The following AGO2 variants were observed in gnomAD, a reference collection of about 807,000 sequenced individuals.
The protein encoded by AGO2 is protein argonaute-2.
Under a neutral mutation model 102.3 loss-of-function variants are expected in AGO2, and 5 were observed. The ratio of observed to expected loss-of-function variants is 0.05; its 90% CI spans 0.03 to 0.10. The LOEUF (loss-of-function observed/expected upper bound fraction) is 0.10. Among genes scored for constraint, AGO2 ranks in the 10% least tolerant of loss-of-function variants. The probability of loss-of-function intolerance (pLI) is 1.00; values close to 1 mark genes in which losing one functional copy is unlikely to be tolerated. For missense variants in AGO2, 541 were observed against 1,183.7 expected, an observed-to-expected ratio of 0.46 and a Z score of 7.97; for synonymous variants, 449 against 473.1, an observed-to-expected ratio of 0.95 and a Z score of 0.66.
intron 1 of AGO2, among the ~76,000 whole-genome samples, chr8:140,604,698 G>T (rs899047037): frequency 6.6e-6 from 1 of 151,728 alleles, no homozygotes; most frequent in Non-Finnish European, 1.5e-5. Flanking sequence ...GTGGTGGCGG[G>T]TGCCTGTAGT....
chr8:140,546,804 C>T (rs757271680), intron 13 of AGO2, among the ~76,000 whole-genome samples: 6 of 152,218 alleles, frequency 3.9e-5, no homozygotes, highest in South Asian at 2.1e-4. Context: ...TGTGTGGAGA[C>T]GTCTTTCTTG....
At position 140,539,221 on chromosome 8, in the gene AGO2, C is replaced by A; in HGVS notation, c.2169+99G>T. The A allele has an allele frequency of 6.7e-7, 1 of 1,486,112 alleles. No individual in the cohort carries two copies. The highest frequency in any genetic ancestry group is 9.0e-7 in the Non-Finnish European group (1 of 1,112,522). 92.1% of individuals were successfully genotyped at this position (1,486,112 alleles called of 1,614,324 possible). On this transcript the variant is annotated intron_variant, in intron 16 of 18. Coordinates refer to ENST00000220592, the MANE Select transcript of AGO2 (RefSeq NM_012154.5). The surrounding 1 kb of genome is among the most constrained non-coding windows in gnomAD (Gnocchi z 4.7). Reference sequence around the variant, plus strand: ...GACAGAGTCACCCTAGAGCCTGGGACAGCGGCACTGTGGCCAGCAGGTTCT... The same window carrying A: ...GACAGAGTCACCCTAGAGCCTGGGAAAGCGGCACTGTGGCCAGCAGGTTCT...
In AGO2 at chr8:140,532,040, C is replaced by T; in HGVS notation, c.*4G>A. The T allele has an allele frequency of 1.9e-6, 3 of 1,613,760 alleles. No individual in the cohort carries two copies. The highest frequency in any genetic ancestry group is 2.5e-6 in the Non-Finnish European group (3 of 1,179,694). On this transcript the variant is annotated 3_prime_UTR_variant, in exon 19 of 19. Transcript: ENST00000220592. ...GGTACACAATCGCTAAACACTAAAA[C>T]ATGTCAAGCAAAGTACATGGTGCGC...
In AGO2 at chr8:140,557,327, G is replaced by A. The variant is rs909759862; in HGVS notation, c.879-91C>T. 24 of 1,458,972 alleles carry A rather than the reference G, an allele frequency of 1.6e-5. No individual in the cohort carries two copies. Among genetic ancestry groups the A allele is most frequent in the South Asian group, 8.4e-5 (6 of 71,654 alleles). 90.4% of individuals were successfully genotyped at this position (1,458,972 alleles called of 1,614,324 possible). On this transcript the variant is annotated intron_variant, in intron 7 of 18. Coordinates refer to ENST00000220592, the MANE Select transcript of AGO2 (RefSeq NM_012154.5). This position sits in a 1 kb window ranked among gnomAD's most constrained non-coding sequence, Gnocchi z 5.9. The stretch of plus-strand genomic sequence containing the variant: ...ATTTGCGTTTGCTTTTTAGGGTGAC[G>A]TGTGAGGAGCAAACATTCAGAGCAC...
chr8:140,637,393 G>C (rs1226447204), upstream of AGO2: 1 of 152,234 alleles, frequency 6.6e-6, no homozygotes, highest in African/African-American at 2.4e-5. Context: ...CAAAGGCCCA[G>C]AAGGCTCTGT....
In AGO2 at chr8:140,572,727, G is replaced by A. The variant is rs886588097; in HGVS notation, c.336+85C>T. 2.6e-6 allele frequency: 4 copies of A among 1,518,724 alleles called. No homozygotes were observed. The African/African-American group carries it at 5.6e-5, about 21-fold the overall frequency. The allele number at this position is 1,518,724 out of a possible 1,614,324, so 94.1% of individuals were successfully genotyped here. A position where few individuals can be genotyped will look rare whatever the true frequency, so the allele number is the denominator to read the frequency against. On this transcript the variant is annotated intron_variant, in intron 3 of 18. Coordinates refer to ENST00000220592, the MANE Select transcript of AGO2 (RefSeq NM_012154.5). ...TCCTCAGTGAAATAGTTTCGTGTAT[G>A]AGAACAGGCATGACAGACTTTACAA... is the stretch of plus-strand genomic sequence containing the variant.
At chr8:140,611,294 G>A (rs1461584410) in intron 1 of AGO2, among the ~76,000 whole-genome samples, 1 of 151,816 alleles carries the variant, frequency 6.6e-6, no homozygotes, top group East Asian at 1.9e-4. Context: ...GCAGCAAAAA[G>A]CATCAAGTTT....
chr8:140,624,904 G>A (rs763657344), intron 1 of AGO2, among the ~76,000 whole-genome samples: 44 of 152,170 alleles, frequency 2.9e-4, no homozygotes, highest in Admixed American at 2.0e-3. Context: ...TGCTGGAGGC[G>A]GGGGATAGTG....
In AGO2 at chr8:140,635,564, C is replaced by G; in HGVS notation, c.-58G>C. 1 of 975,078 alleles carries G rather than the reference C, an allele frequency of 1.0e-6. No individual in the cohort carries two copies. Among genetic ancestry groups the G allele is most frequent in the Non-Finnish European group, 1.2e-6 (1 of 823,598 alleles). The allele number at this position is 975,078 out of a possible 1,614,324, so 60.4% of individuals were successfully genotyped here. On this transcript the variant is annotated 5_prime_UTR_variant, in exon 1 of 19. Coordinates refer to ENST00000220592, the MANE Select transcript of AGO2 (RefSeq NM_012154.5). ...GGCGGCCGCGCGCGCGCCACGGGCC[C>G]CGACGCCGCGAGCCGCGAGGGAGCC... is the stretch of plus-strand genomic sequence containing the variant.
At chr8:140,552,772 A>T (rs1002166367) in intron 10 of AGO2, among the ~76,000 whole-genome samples, 40 of 137,060 alleles carry the variant, frequency 2.9e-4, no homozygotes, top group East Asian at 2.9e-3. Flanking sequence ...ACACACACAC[A>T]CTCTTACTAT....
chr8:140,633,814 G>A (rs1321854684), intron 1 of AGO2, among the ~76,000 whole-genome samples: 1 of 152,218 alleles, frequency 6.6e-6, no homozygotes, highest in East Asian at 1.9e-4. Flanking sequence ...CAACCTCTGT[G>A]AGCCTCGGCT....
chr8:140,635,906 AGGGCGGCGCGGCCCGTGTGGCGCGG>A (rs545085953), upstream of AGO2, among the ~76,000 whole-genome samples: 327 of 134,760 alleles, frequency 2.4e-3, no homozygotes, highest in African/African-American at 8.8e-3. Flanking sequence ...ACGAGGGCCG[AGGGCGGCGCGGCCCGTGTGGCGCGG>A]GGGCGGGCGC....
intron 1 of AGO2, among the ~76,000 whole-genome samples, chr8:140,593,640 TG>T (rs1249286406): frequency 1.3e-5 from 2 of 151,232 alleles, no homozygotes; most frequent in Non-Finnish European, 2.9e-5. Flanking sequence ...TTACATAAAA[TG>T]TTTACTTCCC....
At chr8:140,545,115 CGCATCCATTTCCCT>C (rs757693776) in intron 13 of AGO2, among the ~76,000 whole-genome samples, 64 of 152,298 alleles carry the variant, frequency 4.2e-4, no homozygotes, top group Middle Eastern at 6.8e-3. Flanking sequence ...GCCCTCTCCC[CGCATCCATTTCCCT>C]GCATGCCTGT....
chr8:140,585,268 G>A lies in AGO2; in HGVS notation c.66C>T (p.Ala22=), dbSNP rs1359483249. ...PAPPPPIQGY[A]FKPPPRPDFG... Reference sequence around the variant, plus strand: ...AGTCGGGTCTAGGTGGAGGCTTGAAGGCATATCCTTGGATGGGGGGCGGCG... The same window carrying A: ...AGTCGGGTCTAGGTGGAGGCTTGAAAGCATATCCTTGGATGGGGGGCGGCG... The change falls in exon 2 of 19, where the codon GCC becomes GCT. Residue 22 remains alanine, a synonymous_variant. Coordinates refer to ENST00000220592, the MANE Select transcript of AGO2 (RefSeq NM_012154.5). 1.9e-6 allele frequency: 3 copies of A among 1,614,044 alleles called. No individual in the cohort carries two copies. The highest frequency in any genetic ancestry group is 2.2e-5 in the South Asian group (2 of 91,086).
intron 1 of AGO2, among the ~76,000 whole-genome samples, chr8:140,634,991 C>T (rs887270282): frequency 3.1e-4 from 47 of 151,734 alleles, no homozygotes; most frequent in Admixed American, 1.6e-3. Context: ...GTGCGCGCCC[C>T]GAGCCGGGCG....
chr8:140,547,365 T>G, intron 13 of AGO2, 103 bp downstream of exon 13: 1 of 1,439,170 alleles, frequency 6.9e-7, no homozygotes, highest in Non-Finnish European at 9.4e-7. Context: ...TGGGCCCAGG[T>G]GAAGGGACCC....
intron 1 of AGO2, among the ~76,000 whole-genome samples, chr8:140,610,104 C>T (rs1161472674): frequency 1.3e-5 from 2 of 150,956 alleles, no homozygotes; most frequent in East Asian, 3.9e-4. Flanking sequence ...ACTTGAGAGG[C>T]TGAGGCAGGA....
chr8:140,547,091 A>G (rs1045758272), intron 13 of AGO2, among the ~76,000 whole-genome samples: 1 of 152,204 alleles, frequency 6.6e-6, no homozygotes, highest in African/African-American at 2.4e-5. Flanking sequence ...ATCCATGACT[A>G]GCCTGGTGTG....
Sources: allele counts gnomAD v4.1 joint callset (sites outside exome capture counted in the v4.1 genomes callset), GRCh38; gene constraint gnomAD v4.1.1; non-coding constraint Gnocchi (gnomAD v3.1); transcripts MANE v1.5; gene names NCBI Gene and HGNC (gene_info 2026-07-23, HGNC 2026-07-21).